The following FBXO3 variants were observed in gnomAD, a reference collection of about 807,000 sequenced individuals.
FBXO3 encodes F-box protein 3.
FBXO3 carries 17 observed loss-of-function variants against 64.8 expected under a neutral mutation model. The ratio of observed to expected loss-of-function variants is 0.26; its 90% confidence interval spans 0.18 to 0.39. The LOEUF is 0.39. Among genes scored for constraint, FBXO3 ranks in the 10% least tolerant of loss-of-function variants. FBXO3 has a pLI of 1.00. For missense variants in FBXO3, 420 were observed against 589.9 expected (o/e 0.71, Z 2.98); for synonymous variants, 182 against 201.6 (o/e 0.90, Z 0.82).
chr11:33,759,114 A>G (rs1855181527), intron 3 of FBXO3, among the ~76,000 whole-genome samples: 1 of 152,212 alleles, frequency 6.6e-6, no homozygotes, highest in Non-Finnish European at 1.5e-5. Flanking sequence ...GTGGGAAATA[A>G]TGACAAATAC....
At chr11:33,745,633 C>T (rs531699063) in intron 10 of FBXO3, 5 of 152,146 alleles carry the variant, frequency 3.3e-5, no homozygotes, top group African/African-American at 7.2e-5. Flanking sequence ...TTGAACTACG[C>T]GTTCATGAAA....
chr11:33,773,952 C>G (rs1855574150), intron 1 of FBXO3: 1 of 157,780 alleles, frequency 6.3e-6, no homozygotes, highest in South Asian at 1.6e-4. Flanking sequence ...ACCCACCTGC[C>G]CACCCCGGCG....
chr11:33,772,127 T>G (rs1318326101), intron 1 of FBXO3: 1 of 152,204 alleles, frequency 6.6e-6, no homozygotes, highest in Non-Finnish European at 1.5e-5. Context: ...CAATTCAAAC[T>G]AGGCAACTGA....
intron 2 of FBXO3, among the ~76,000 whole-genome samples, chr11:33,770,266 G>A (rs1208172735): frequency 6.6e-6 from 1 of 152,142 alleles, no homozygotes; most frequent in Non-Finnish European, 1.5e-5. Context: ...ACCAACTTTA[G>A]TCACTACCTG....
At chr11:33,774,358 A>ATGCCCCCACCCC in intron 1 of FBXO3, 36 bp downstream of exon 1, 4 of 1,368,010 alleles carry the variant, frequency 2.9e-6, no homozygotes, top group Non-Finnish European at 2.9e-6. Context: ...TCCTCTCCCC[A>ATGCCCCCACCCC]TGCCCCCACC....
intron 10 of FBXO3, 127 bp from the exon 11 acceptor site, chr11:33,742,211 A>T (rs1854704389): frequency 1.2e-6 from 1 of 817,420 alleles, no homozygotes; most frequent in African/African-American, 1.7e-5. Flanking sequence ...CATAGACTTG[A>T]ACAGTGGATT....
intron 3 of FBXO3, among the ~76,000 whole-genome samples, chr11:33,765,664 T>C (rs1321378975): frequency 1.3e-5 from 2 of 152,176 alleles, no homozygotes; most frequent in African/African-American, 4.8e-5. Flanking sequence ...ATCCCCAATA[T>C]TGGAGGGGGG....
chr11:33,751,488 A>G, intron 7 of FBXO3, 35 bp downstream of exon 7: 1 of 1,348,754 alleles, frequency 7.4e-7, no homozygotes, highest in Non-Finnish European at 1.1e-6. Flanking sequence ...CTGATTTACA[A>G]TCATTTCAAT....
In FBXO3 at chr11:33,751,505, A is replaced by C; in HGVS notation, c.809+18T>G. On this transcript the variant is annotated intron_variant, in intron 7 of 10. Transcript: ENST00000265651. Reference sequence around the variant, plus strand: ...GATTTACAATCATTTCAATCCAAAAAGACCCAAAATAAAATACCTGAAAAT... The same window carrying C: ...GATTTACAATCATTTCAATCCAAAACGACCCAAAATAAAATACCTGAAAAT... The C allele has an allele frequency of 6.6e-7, 1 of 1,522,048 alleles. No homozygotes were observed. The highest frequency in any genetic ancestry group is 9.0e-7 in the Non-Finnish European group (1 of 1,106,684). The allele number at this position is 1,522,048 out of a possible 1,614,324, so 94.3% of individuals were successfully genotyped here. A position where few individuals can be genotyped will look rare whatever the true frequency, so the allele number is the denominator to read the frequency against.
chr11:33,746,022 G>A (rs1590561086), intron 10 of FBXO3: 1 of 152,070 alleles, frequency 6.6e-6, no homozygotes, highest in Non-Finnish European at 1.5e-5. Flanking sequence ...CATTTAGATG[G>A]AATGGACAAA....
At chr11:33,771,091 C>A in intron 1 of FBXO3, 1 of 294,514 alleles carries the variant, frequency 3.4e-6, no homozygotes, top group Non-Finnish European at 6.5e-6. Flanking sequence ...ATCTACAGAC[C>A]ATATATGCCA....
chr11:33,763,673 G>A (rs1855297491), intron 3 of FBXO3, among the ~76,000 whole-genome samples: 1 of 145,656 alleles, frequency 6.9e-6, no homozygotes, highest in African/African-American at 2.5e-5. Context: ...CTTATTTAAA[G>A]GTGAAATGCT....
chr11:33,744,358 G>C (rs1361711974), intron 10 of FBXO3: 2 of 152,030 alleles, frequency 1.3e-5, no homozygotes, highest in African/African-American at 4.8e-5. Flanking sequence ...ACAGAGAGGA[G>C]TGGAAATGTG....
chr11:33,770,973 T>C (rs1855497039), intron 1 of FBXO3, 143 bp from the exon 2 acceptor site: 1 of 596,130 alleles, frequency 1.7e-6, no homozygotes, highest in Middle Eastern at 4.7e-4. Flanking sequence ...CAAAACTATT[T>C]TCTAAAACCT....
chr11:33,762,566 A>G (rs1049031391), intron 3 of FBXO3, among the ~76,000 whole-genome samples: 2 of 152,140 alleles, frequency 1.3e-5, no homozygotes, highest in African/African-American at 2.4e-5. Flanking sequence ...GAAGAAATCA[A>G]AGAAATCAGA....
At position 33,758,444 on chromosome 11, in the gene FBXO3, T is replaced by C. The variant is rs766917404; in HGVS notation, c.473+43A>G. 6 of 1,391,132 alleles carry C rather than the reference T, an allele frequency of 4.3e-6. No individual in the cohort carries two copies. The South Asian group carries it at 6.4e-5, about 15-fold the overall frequency. 86.2% of individuals were successfully genotyped at this position (1,391,132 alleles called of 1,614,324 possible). ...ATTTATTTACTTTCATTCTAAAAAA[T>C]AACTTGCATCATTAAAAATAACCAA... On this transcript the variant is annotated intron_variant, in intron 4 of 10. Transcript: ENST00000265651.
chr11:33,765,066 C>T (rs965380296), intron 3 of FBXO3, among the ~76,000 whole-genome samples: 1 of 152,122 alleles, frequency 6.6e-6, no homozygotes, highest in Admixed American at 6.6e-5. Flanking sequence ...CAACTAAATG[C>T]AATGTGGTAT....
rs533213939 is a variant in FBXO3 at position 33,759,541 on chromosome 11, T to C, written c.359-940A>G. 3.8e-4 allele frequency among the ~76,000 whole-genome samples: 58 copies of C among 152,316 alleles called. 2 individuals carry two copies. In the South Asian group the frequency reaches 0.012, roughly 30 times the overall value. ...GTCCTCACAAAGACTAAAGCCCAGC[T>C]TTCAATCATGTCAATCCCTGATTGC... On this transcript the variant is annotated intron_variant, in intron 3 of 10. Coordinates refer to ENST00000265651, the MANE Select transcript of FBXO3 (RefSeq NM_012175.4).
At chr11:33,756,512 A>T (rs1019353610) in intron 4 of FBXO3, among the ~76,000 whole-genome samples, 18 of 152,352 alleles carry the variant, frequency 1.2e-4, no homozygotes, top group African/African-American at 2.9e-4. Context: ...GAGATTCCTA[A>T]GTCTCAATGC....
Sources: allele counts gnomAD v4.1 joint callset (sites outside exome capture counted in the v4.1 genomes callset), GRCh38; gene constraint gnomAD v4.1.1; transcripts MANE v1.5; gene names NCBI Gene and HGNC (gene_info 2026-07-23, HGNC 2026-07-21).